Variants in LDLRAD4 observed in about 807,000 individuals in gnomAD.
LDLRAD4 encodes the protein low-density lipoprotein receptor class A domain-containing protein 4.
LDLRAD4 carries 5 observed loss-of-function variants against 17.0 expected under a neutral mutation model. That is an observed-to-expected ratio of 0.29 (90% CI 0.15 to 0.62). The LOEUF (loss-of-function observed/expected upper bound fraction) is 0.62. LDLRAD4 is among the 20% of genes least tolerant of loss of function. The pLI, the probability that LDLRAD4 is intolerant of heterozygous loss-of-function variation, is 0.84. For synonymous variants in LDLRAD4, 168 were observed against 171.8 expected (o/e 0.98, Z 0.17); for missense variants, 340 against 424.7 (o/e 0.80, Z 1.75).
chr18:13,473,914 G>A (rs984900086), intron 3 of LDLRAD4, among the ~76,000 whole-genome samples: 3 of 151,768 alleles, frequency 2.0e-5, no homozygotes, highest in South Asian at 4.2e-4. Context: ...ATCTGTTGCT[G>A]AATTGTAATC....
intron 1 of LDLRAD4, among the ~76,000 whole-genome samples, chr18:13,266,520 G>A (rs2044229364): frequency 6.6e-6 from 1 of 152,242 alleles, no homozygotes; most frequent in Admixed American, 6.5e-5. Flanking sequence ...GGATTCCGAG[G>A]GTCTCTGGTG....
chr18:13,511,160 A>G lies in LDLRAD4; in HGVS notation c.181+72776A>G, dbSNP rs573316119. On this transcript the variant is annotated intron_variant, in intron 3 of 5. Coordinates refer to ENST00000359446, the Ensembl canonical transcript of LDLRAD4. The stretch of plus-strand genomic sequence containing the variant: ...GCAGCCTGCAGAAGGAAGAGGAGAA[A>G]ACTGGACCTGCTCAGAAGGCCTCTG... 2.7e-4 allele frequency among the ~76,000 whole-genome samples: 41 copies of G among 152,254 alleles called. No individual in the cohort carries two copies. The East Asian group carries it at 7.5e-3, about 28-fold the overall frequency.
At chr18:13,230,875 C>T (rs1043401046) in intron 1 of LDLRAD4, among the ~76,000 whole-genome samples, 1 of 152,238 alleles carries the variant, frequency 6.6e-6, no homozygotes, top group Non-Finnish European at 1.5e-5. Flanking sequence ...AGGGCGAATC[C>T]TGACACAGGT....
At chr18:13,259,275 G>A (rs1340846883) in intron 1 of LDLRAD4, among the ~76,000 whole-genome samples, 3 of 151,956 alleles carry the variant, frequency 2.0e-5, no homozygotes, top group Admixed American at 6.6e-5. Context: ...TACTCCACAA[G>A]TGTATCCTCC....
At chr18:13,539,324 G>T (rs1384273502) in intron 3 of LDLRAD4, among the ~76,000 whole-genome samples, 1 of 152,158 alleles carries the variant, frequency 6.6e-6, no homozygotes, top group African/African-American at 2.4e-5. Flanking sequence ...GAAGGAAGAG[G>T]TTATTCAGGT....
chr18:13,302,756 T>C (rs969348575), intron 1 of LDLRAD4, among the ~76,000 whole-genome samples: 3 of 152,234 alleles, frequency 2.0e-5, no homozygotes, highest in Non-Finnish European at 4.4e-5. Flanking sequence ...GCAGTTGTTA[T>C]GTTTATGCAG....
intron 1 of LDLRAD4, among the ~76,000 whole-genome samples, chr18:13,243,909 A>G (rs1312791954): frequency 1.9e-5 from 2 of 106,880 alleles, no homozygotes; most frequent in Non-Finnish European, 3.5e-5. Flanking sequence ...CCATCCATCC[A>G]TGCACCTATG....
intron 3 of LDLRAD4, chr18:13,522,039 G>A (rs1014765682): frequency 1.3e-5 from 2 of 151,808 alleles, no homozygotes; most frequent in Non-Finnish European, 2.9e-5. Flanking sequence ...GTTAACAAAT[G>A]CTACTTGTTG....
At chr18:13,455,778 T>G (rs2092100402) in intron 3 of LDLRAD4, among the ~76,000 whole-genome samples, 1 of 152,016 alleles carries the variant, frequency 6.6e-6, no homozygotes, top group Admixed American at 6.5e-5. Context: ...GGGTGCCATT[T>G]CTGGTGATCT....
intron 1 of LDLRAD4, among the ~76,000 whole-genome samples, chr18:13,353,119 GT>G (rs1319990820): frequency 6.6e-6 from 1 of 152,042 alleles, no homozygotes; most frequent in African/African-American, 2.4e-5. Flanking sequence ...TTCAGGGATA[GT>G]TTCCACTGCT....
intron 1 of LDLRAD4, among the ~76,000 whole-genome samples, chr18:13,339,772 T>C (rs1199294348): frequency 2.0e-5 from 3 of 152,222 alleles, no homozygotes; most frequent in South Asian, 2.1e-4. Context: ...TTTCTTCTTA[T>C]TGTAGTAAAA....
In LDLRAD4 at chr18:13,645,320, A is replaced by C; in HGVS notation, c.584A>C (p.Glu195Ala). 6.2e-7 allele frequency: 1 copy of C among 1,614,214 alleles called. No homozygotes were observed. The highest frequency in any genetic ancestry group is 8.5e-7 in the Non-Finnish European group (1 of 1,180,026). The stretch of plus-strand genomic sequence containing the variant: ...TGCACCCTGCAGCTCCGGGACCCTG[A>C]ACAGCAGATGGAACTCAACCGAGAG... The change falls in exon 6 of 6, where the codon GAA becomes GCA. Residue 195 changes from glutamate (E) to alanine (A), a missense_variant. By Grantham distance (107) the Glu-to-Ala change is moderately radical (BLOSUM62 -1). Coordinates refer to ENST00000359446, the Ensembl canonical transcript of LDLRAD4. This position sits in a 1 kb window ranked among gnomAD's most constrained non-coding sequence, Gnocchi z 5.7.
chr18:13,502,862 G>C (rs1009687007), intron 3 of LDLRAD4, among the ~76,000 whole-genome samples: 2 of 152,250 alleles, frequency 1.3e-5, no homozygotes, highest in Non-Finnish European at 2.9e-5. Context: ...GAAGCAGTCT[G>C]GCTGGCAGCC....
chr18:13,231,619 A>G (rs977841902), intron 1 of LDLRAD4, among the ~76,000 whole-genome samples: 3 of 152,248 alleles, frequency 2.0e-5, no homozygotes, highest in Non-Finnish European at 2.9e-5. Flanking sequence ...TTTACATTTC[A>G]CAAAACGCTT....
chr18:13,503,143 G>A (rs903539606), intron 3 of LDLRAD4, among the ~76,000 whole-genome samples: 1 of 152,196 alleles, frequency 6.6e-6, no homozygotes, highest in Admixed American at 6.5e-5. Context: ...TTTAAAGTAT[G>A]TACAACTGAA....
intron 1 of LDLRAD4, among the ~76,000 whole-genome samples, chr18:13,233,241 C>A (rs536396597): frequency 2.0e-5 from 3 of 152,242 alleles, no homozygotes; most frequent in Non-Finnish European, 2.9e-5. Flanking sequence ...CGTTCAGATA[C>A]GTTCTCTGCT....
chr18:13,267,102 A>G (rs567518635), intron 1 of LDLRAD4, among the ~76,000 whole-genome samples: 2 of 152,238 alleles, frequency 1.3e-5, no homozygotes, highest in Non-Finnish European at 2.9e-5. Flanking sequence ...GACTGCTAAC[A>G]TTGCTTTAGC....
chr18:13,313,346 G>A (rs1443145800), intron 1 of LDLRAD4, among the ~76,000 whole-genome samples: 4 of 152,138 alleles, frequency 2.6e-5, no homozygotes, highest in Admixed American at 1.3e-4. Flanking sequence ...CTGACTGCAA[G>A]AAACCAATTC....
chr18:13,473,074 G>A (rs1394044425), intron 3 of LDLRAD4, among the ~76,000 whole-genome samples: 1 of 107,928 alleles, frequency 9.3e-6, no homozygotes, highest in African/African-American at 3.7e-5. Context: ...AGAACCCCCC[G>A]CCCCCGCCTG....
Sources: gnomAD v4.1 joint callset for allele counts (sites outside exome capture counted in the v4.1 genomes callset) on GRCh38, gnomAD v4.1.1 for gene constraint, Gnocchi (gnomAD v3.1) non-coding constraint, MANE v1.5 for transcripts, NCBI Gene and HGNC (gene_info 2026-07-23, HGNC 2026-07-21) for gene names.